The following GRHL2 variants were observed in gnomAD, a reference collection of about 807,000 sequenced individuals.
GRHL2 encodes grainyhead-like protein 2 homolog.
A neutral mutation model predicts 83.8 loss-of-function variants in GRHL2; 21 were observed. The observed-to-expected ratio is 0.25, with a 90% CI of 0.18 to 0.36. The LOEUF is 0.36. Among genes scored for constraint, GRHL2 ranks in the 10% least tolerant of loss-of-function variants. The probability of loss-of-function intolerance (pLI) is 1.00; values close to 1 mark genes in which losing one functional copy is unlikely to be tolerated. For missense variants in GRHL2, 623 were observed against 781.8 expected (o/e 0.80, Z 2.42); for synonymous variants, 280 against 278.9 (o/e 1.00, Z -0.04).
intron 1 of GRHL2, among the ~76,000 whole-genome samples, chr8:101,499,598 A>G (rs1810181127): frequency 6.6e-6 from 1 of 152,208 alleles, no homozygotes; most frequent in African/African-American, 2.4e-5. Flanking sequence ...TACCTGGGCC[A>G]AGAGGTAAGA....
At chr8:101,631,801 A>G in intron 10 of GRHL2, 77 bp downstream of exon 10, 1 of 1,201,728 alleles carries the variant, frequency 8.3e-7, no homozygotes, top group East Asian at 2.4e-5. Context: ...AGGTGGAAGA[A>G]GTGGGTTGCA....
intron 7 of GRHL2, among the ~76,000 whole-genome samples, chr8:101,580,906 T>C (rs974488213): frequency 6.6e-6 from 1 of 151,924 alleles, no homozygotes; most frequent in African/African-American, 2.4e-5. Context: ...GGTTTCACTG[T>C]GTTAGCCAGG....
chr8:101,534,171 A>T (rs985394353), intron 1 of GRHL2, among the ~76,000 whole-genome samples: 2 of 152,200 alleles, frequency 1.3e-5, no homozygotes, highest in Non-Finnish European at 2.9e-5. Flanking sequence ...ACTAGCATAC[A>T]TTCATGATCT....
chr8:101,511,978 T>C (rs951994552), intron 1 of GRHL2, among the ~76,000 whole-genome samples: 5 of 152,226 alleles, frequency 3.3e-5, no homozygotes, highest in Non-Finnish European at 7.3e-5. Flanking sequence ...GCCTTTATTA[T>C]AGATTAAATT....
rs1311056430 is a variant in GRHL2, at chr8:101,593,975, A to G, written c.1004-5082A>G. ...TCCCAGCTACTCGGGAGGCTGAGGCAGAGGAATCGCTTGAACTCAGGAGGC... is the reference window on the plus strand; with the variant it reads ...TCCCAGCTACTCGGGAGGCTGAGGCGGAGGAATCGCTTGAACTCAGGAGGC... On this transcript the variant is annotated intron_variant, in intron 7 of 15. Transcript: ENST00000646743. Among the ~76,000 whole-genome samples the G allele has an allele frequency of 3.4e-5, 5 of 146,668 alleles. No homozygotes were observed. The East Asian group carries it at 1.1e-3, about 32-fold the overall frequency.
intron 1 of GRHL2, among the ~76,000 whole-genome samples, chr8:101,508,809 G>C (rs1423858892): frequency 6.6e-6 from 1 of 152,074 alleles, no homozygotes; most frequent in East Asian, 1.9e-4. Context: ...CACAAAGCTG[G>C]GCACCAAGCT....
chr8:101,523,257 TC>T (rs1810728990), intron 1 of GRHL2, among the ~76,000 whole-genome samples: 1 of 151,754 alleles, frequency 6.6e-6, no homozygotes, highest in Non-Finnish European at 1.5e-5. Context: ...TTTTTTTTTT[TC>T]CATACAGGTG....
intron 9 of GRHL2, among the ~76,000 whole-genome samples, chr8:101,621,909 T>C (rs1173209000): frequency 6.6e-6 from 1 of 150,946 alleles, no homozygotes; most frequent in Non-Finnish European, 1.5e-5. Context: ...AATATACATA[T>C]AATAGGAATC....
intron 9 of GRHL2, among the ~76,000 whole-genome samples, chr8:101,628,682 G>A (rs770242904): frequency 6.6e-6 from 1 of 152,068 alleles, no homozygotes; most frequent in Non-Finnish European, 1.5e-5. Context: ...CACCATTTTA[G>A]ATGCCATTAA....
intron 4 of GRHL2, among the ~76,000 whole-genome samples, chr8:101,565,692 T>A (rs571119256): frequency 3.3e-4 from 50 of 152,320 alleles, no homozygotes; most frequent in African/African-American, 1.2e-3. Flanking sequence ...CATCTCACAT[T>A]TTGTTGGCTA....
In GRHL2 at chr8:101,661,672, C is replaced by G. The variant is rs569933968; in HGVS notation, c.1699-2782C>G. Among the ~76,000 whole-genome samples the G allele has an allele frequency of 2.6e-5, 4 of 152,226 alleles. No individual in the cohort carries two copies. In the South Asian group the frequency reaches 8.3e-4, roughly 32 times the overall value. ...CTGATTGAATCCAAGAATGCAGAAC[C>G]TGGAGATACTGAGGGCCGACTGTAT... On this transcript the variant is annotated intron_variant, in intron 14 of 15. Transcript: ENST00000646743.
chr8:101,604,878 C>T (rs982991596), intron 8 of GRHL2, among the ~76,000 whole-genome samples: 1 of 152,174 alleles, frequency 6.6e-6, no homozygotes, highest in Non-Finnish European at 1.5e-5. Context: ...AAACTCTGAT[C>T]TCCCAGGGTT....
At chr8:101,664,597 T>A (rs1259412864) in intron 15 of GRHL2, 79 bp downstream of exon 15, 6 of 1,049,418 alleles carry the variant, frequency 5.7e-6, no homozygotes, top group Admixed American at 1.8e-5. Context: ...ATGATGCCTG[T>A]CTTTTGTTAG....
At chr8:101,674,494 C>A (rs564299392), downstream of GRHL2, among the ~76,000 whole-genome samples, 12 of 152,094 alleles carry the variant, frequency 7.9e-5, no homozygotes, top group Non-Finnish European at 1.2e-4. Context: ...TACACCCTCC[C>A]AAGACTAAAC....
chr8:101,525,069 C>A (rs775951), intron 1 of GRHL2, among the ~76,000 whole-genome samples: 1 of 151,810 alleles, frequency 6.6e-6, no homozygotes, highest in Non-Finnish European at 1.5e-5. Context: ...CAGCTTCCTG[C>A]GTAGCTGGGA....
Position 101,619,724 on chromosome 8 carries a change from A to C in GRHL2, c.1257+27A>C, listed in dbSNP as rs375808236. On this transcript the variant is annotated intron_variant, in intron 9 of 15. Coordinates refer to ENST00000646743, the MANE Select transcript of GRHL2 (RefSeq NM_024915.4). Reference sequence around the variant, plus strand: ...TGAGTAAAGATGACAGTTTTTTATAAAGGTATCTTTTTTATTAGATATTAC... The same window carrying C: ...TGAGTAAAGATGACAGTTTTTTATACAGGTATCTTTTTTATTAGATATTAC... The C allele has an allele frequency of 3.2e-6, 5 of 1,571,186 alleles. No homozygotes were observed. In the African/African-American group the frequency reaches 5.4e-5, roughly 17 times the overall value.
intron 14 of GRHL2, among the ~76,000 whole-genome samples, chr8:101,657,762 C>G (rs556812133): frequency 2.7e-3 from 411 of 151,940 alleles, no homozygotes; most frequent in Admixed American, 5.1e-3. Context: ...ATGGTGTGAA[C>G]CCAGGAGACG....
intron 8 of GRHL2, among the ~76,000 whole-genome samples, chr8:101,613,605 A>T (rs1812796039): frequency 6.6e-6 from 1 of 151,118 alleles, no homozygotes; most frequent in Non-Finnish European, 1.5e-5. Context: ...TCAATTTGGC[A>T]TTGCATCTGC....
At chr8:101,653,998 T>C (rs1281718854) in intron 14 of GRHL2, among the ~76,000 whole-genome samples, 2 of 152,246 alleles carry the variant, frequency 1.3e-5, no homozygotes, top group Non-Finnish European at 2.9e-5. Context: ...CTCTTTTGGT[T>C]GCACATTCTG....
Sources: allele counts gnomAD v4.1 joint callset (sites outside exome capture counted in the v4.1 genomes callset), GRCh38; gene constraint gnomAD v4.1.1; transcripts MANE v1.5; gene names NCBI Gene and HGNC (gene_info 2026-07-23, HGNC 2026-07-21).